EPB41L4B: variants seen among roughly 807,000 people sequenced by gnomAD.
EPB41L4B encodes the protein band 4.1-like protein 4B.
A neutral mutation model predicts 112.5 loss-of-function variants in EPB41L4B; 30 were observed. The observed-to-expected ratio is 0.27, with a 90% CI of 0.20 to 0.36. EPB41L4B has a LOEUF of 0.36. Among genes scored for constraint, EPB41L4B ranks in the 10% least tolerant of loss-of-function variants. The pLI is 1.00. For synonymous variants in EPB41L4B, 408 were observed against 439.7 expected, an observed-to-expected ratio of 0.93 and a Z score of 0.90; for missense variants, 1,024 against 1,133.3, an observed-to-expected ratio of 0.90 and a Z score of 1.38.
intron 1 of EPB41L4B, among the ~76,000 whole-genome samples, chr9:109,293,730 A>C (rs1345727441): frequency 6.6e-6 from 1 of 151,996 alleles, no homozygotes; most frequent in East Asian, 1.9e-4. Flanking sequence ...ACATAAACTA[A>C]AAACTGTTTT....
chr9:109,211,466 G>T (rs184542705), intron 17 of EPB41L4B, among the ~76,000 whole-genome samples: 1 of 151,406 alleles, frequency 6.6e-6, no homozygotes, highest in East Asian at 2.0e-4. Flanking sequence ...GTGGTGGTGC[G>T]TGCCTGTAAT....
intron 6 of EPB41L4B, among the ~76,000 whole-genome samples, chr9:109,259,863 G>C (rs941777749): frequency 3.9e-5 from 6 of 152,112 alleles, no homozygotes; most frequent in African/African-American, 9.7e-5. Context: ...TGTCTTCAAG[G>C]CTCAAGCACA....
chr9:109,249,683 C>T (rs1329863481), intron 13 of EPB41L4B, among the ~76,000 whole-genome samples: 1 of 152,026 alleles, frequency 6.6e-6, no homozygotes, highest in Non-Finnish European at 1.5e-5. Flanking sequence ...CAAGACACCC[C>T]GACAAGCTAA....
chr9:109,291,656 A>G (rs932964593), intron 1 of EPB41L4B, among the ~76,000 whole-genome samples: 57 of 152,324 alleles, frequency 3.7e-4, no homozygotes, highest in African/African-American at 1.3e-3. Context: ...CTTAATTTTG[A>G]TCAACAAGGA....
intron 1 of EPB41L4B, among the ~76,000 whole-genome samples, chr9:109,283,590 A>T (rs1225319044): frequency 1.3e-5 from 2 of 152,230 alleles, no homozygotes; most frequent in Non-Finnish European, 2.9e-5. Flanking sequence ...AAGATGAGAT[A>T]AAAAACAAGG....
intron 6 of EPB41L4B, 42 bp downstream of exon 6, chr9:109,263,008 C>G (rs776966374): frequency 2.9e-6 from 4 of 1,372,460 alleles, no homozygotes; most frequent in Non-Finnish European, 2.0e-6. Flanking sequence ...AAATAAAAAG[C>G]AATAACATTA....
chr9:109,271,870 TCCA>T (rs1221459391), intron 2 of EPB41L4B, among the ~76,000 whole-genome samples: 4 of 152,206 alleles, frequency 2.6e-5, no homozygotes, highest in African/African-American at 9.6e-5. Context: ...CTCATCCAAG[TCCA>T]TCTGGCAAAA....
chr9:109,245,219 TAGAC>T (rs1456997934), intron 14 of EPB41L4B, among the ~76,000 whole-genome samples: 2 of 152,228 alleles, frequency 1.3e-5, no homozygotes, highest in Non-Finnish European at 2.9e-5. Context: ...TTTGATCACA[TAGAC>T]AGGCCCAGAA....
chr9:109,247,115 T>A (rs1379831335), intron 14 of EPB41L4B, among the ~76,000 whole-genome samples: 4 of 151,798 alleles, frequency 2.6e-5, no homozygotes, highest in African/African-American at 9.7e-5. Context: ...TCCTCTCGCC[T>A]TAGCTCCCCC....
chr9:109,248,411 C>T (rs1343319299), intron 13 of EPB41L4B, among the ~76,000 whole-genome samples: 1 of 152,204 alleles, frequency 6.6e-6, no homozygotes, highest in Admixed American at 6.5e-5. Flanking sequence ...GTGACCACCT[C>T]GTTTTACAGA....
At chr9:109,229,735 T>C (rs149867473) in intron 15 of EPB41L4B, among the ~76,000 whole-genome samples, 18 of 152,308 alleles carry the variant, frequency 1.2e-4, no homozygotes, top group African/African-American at 4.1e-4. Context: ...CAGTAGAACT[T>C]TCCAACTGGT....
chr9:109,320,488 G>GCCCC lies in EPB41L4B; in HGVS notation c.-43_-42insGGGG. On this transcript the variant is annotated 5_prime_UTR_variant, in exon 1 of 26. Coordinates refer to ENST00000374566, the MANE Select transcript of EPB41L4B (RefSeq NM_019114.5). ...CCCTGCCTCCGCCCCCTGCGCTGCCGCTGCCGCTGCCGCTGCCGCTGCGCC... is the reference window on the plus strand; with the variant it reads ...CCCTGCCTCCGCCCCCTGCGCTGCCGCCCCCTGCCGCTGCCGCTGCCGCTGCGCC... 1 of 779,900 alleles carries GCCCC rather than the reference G, an allele frequency of 1.3e-6. No homozygotes were observed. Among genetic ancestry groups the GCCCC allele is most frequent in the Non-Finnish European group, 1.5e-6 (1 of 645,704 alleles). 48.3% of individuals were successfully genotyped at this position (779,900 alleles called of 1,614,324 possible).
At chr9:109,204,865 A>G (rs1832943196) in intron 18 of EPB41L4B, among the ~76,000 whole-genome samples, 1 of 151,742 alleles carries the variant, frequency 6.6e-6, no homozygotes, top group African/African-American at 2.4e-5. Context: ...CTTTCCTTAT[A>G]CTCTCACTAT....
At chr9:109,182,414 A>C (rs1269948080) in intron 24 of EPB41L4B, among the ~76,000 whole-genome samples, 1 of 152,178 alleles carries the variant, frequency 6.6e-6, no homozygotes, top group African/African-American at 2.4e-5. Flanking sequence ...ACAAAGGGAA[A>C]ATGAGGAGGA....
chr9:109,232,388 G>A (rs555850360), intron 15 of EPB41L4B, among the ~76,000 whole-genome samples: 1 of 152,148 alleles, frequency 6.6e-6, no homozygotes, highest in South Asian at 2.1e-4. Flanking sequence ...AGCATTAACA[G>A]ACTTTCCCCT....
intron 22 of EPB41L4B, 151 bp downstream of exon 22, chr9:109,192,127 C>T (rs780848749): frequency 7.6e-6 from 5 of 662,056 alleles, no homozygotes; most frequent in Non-Finnish European, 1.3e-5. Context: ...ACCCACAGTG[C>T]CTGACCCCTG....
intron 1 of EPB41L4B, among the ~76,000 whole-genome samples, chr9:109,309,755 C>CACAGAGAGAGAGAGAGAG (rs1469457835): frequency 1.6e-4 from 23 of 142,224 alleles, no homozygotes; most frequent in African/African-American, 6.1e-4. Context: ...AATACACACA[C>CACAGAGAGAGAGAGAGAG]AGAGAGAGAG....
intron 6 of EPB41L4B, among the ~76,000 whole-genome samples, chr9:109,262,452 GGTGT>G (rs1554756264): frequency 7.4e-5 from 11 of 149,656 alleles, no homozygotes; most frequent in Non-Finnish European, 1.2e-4. Flanking sequence ...TGTGTGTGGG[GGTGT>G]GTGTGTGTGT....
intron 22 of EPB41L4B, among the ~76,000 whole-genome samples, chr9:109,186,955 C>T (rs1487333553): frequency 6.6e-6 from 1 of 152,194 alleles, no homozygotes; most frequent in Admixed American, 6.5e-5. Flanking sequence ...AAAAGTGCCA[C>T]ATCCTTTGGG....
Sources: allele counts gnomAD v4.1 joint callset (sites outside exome capture counted in the v4.1 genomes callset), GRCh38; gene constraint gnomAD v4.1.1; transcripts MANE v1.5; gene names NCBI Gene and HGNC (gene_info 2026-07-23, HGNC 2026-07-21).